CTIF: variants seen among roughly 807,000 people sequenced by gnomAD.
The protein encoded by CTIF is CBP80/20-dependent translation initiation factor.
CTIF carries 21 observed loss-of-function variants against 66.0 expected under a neutral mutation model. The observed-to-expected ratio is 0.32, with a 90% confidence interval of 0.23 to 0.46. The LOEUF (loss-of-function observed/expected upper bound fraction) is 0.46, where lower values mean the gene tolerates loss of function less well. Ranked by LOEUF, CTIF falls within the 20% of genes least tolerant of loss-of-function variation. The pLI, the probability that CTIF is intolerant of heterozygous loss-of-function variation, is 1.00. For missense variants in CTIF, 739 were observed against 812.7 expected (o/e 0.91, Z 1.10); for synonymous variants, 345 against 326.4 (o/e 1.06, Z -0.62).
At chr18:48,844,774 G>A (rs939323551) in intron 10 of CTIF, among the ~76,000 whole-genome samples, 24 of 152,204 alleles carry the variant, frequency 1.6e-4, no homozygotes, top group South Asian at 1.2e-3. Context: ...AGGCAAGAGC[G>A]ATTAACATAA....
intron 10 of CTIF, among the ~76,000 whole-genome samples, chr18:48,843,391 G>A (rs539866081): frequency 2.6e-5 from 4 of 152,144 alleles, no homozygotes; most frequent in African/African-American, 7.2e-5. Context: ...CCTGCGGAGT[G>A]GGGAGGGCTT....
At chr18:48,660,563 G>A (rs372155630) in intron 3 of CTIF, among the ~76,000 whole-genome samples, 2 of 152,172 alleles carry the variant, frequency 1.3e-5, no homozygotes, top group East Asian at 1.9e-4. Context: ...TGGGTCCCCC[G>A]CCAGGGATAC....
intron 1 of CTIF, among the ~76,000 whole-genome samples, chr18:48,544,672 G>T (rs2088703228): frequency 6.6e-6 from 1 of 152,216 alleles, no homozygotes; most frequent in Non-Finnish European, 1.5e-5. Context: ...AGTAGGCCTG[G>T]GTAATGGTGG....
chr18:48,544,850 G>T (rs1017780069), intron 1 of CTIF, among the ~76,000 whole-genome samples: 1 of 152,196 alleles, frequency 6.6e-6, no homozygotes, highest in African/African-American at 2.4e-5. Flanking sequence ...CTAGGCCCTG[G>T]GGCTATGACA....
intron 5 of CTIF, among the ~76,000 whole-genome samples, chr18:48,668,802 C>T (rs1219435099): frequency 1.3e-5 from 2 of 152,144 alleles, no homozygotes; most frequent in Non-Finnish European, 2.9e-5. Flanking sequence ...CTTGGGGTTC[C>T]TGCAACGATC....
At chr18:48,857,511 G>T in intron 10 of CTIF, 77 bp from the exon 11 acceptor site, 4 of 1,351,696 alleles carry the variant, frequency 3.0e-6, no homozygotes, top group Admixed American at 2.1e-5. Flanking sequence ...GCAGGTCGGC[G>T]GGGGCTGCAG....
intron 9 of CTIF, among the ~76,000 whole-genome samples, chr18:48,810,485 A>G (rs1193817006): frequency 6.6e-6 from 1 of 152,068 alleles, no homozygotes; most frequent in South Asian, 2.1e-4. Context: ...GCAATTGGCT[A>G]TTTTTTAATT....
At chr18:48,570,059 A>G (rs2089376534) in intron 1 of CTIF, among the ~76,000 whole-genome samples, 1 of 152,200 alleles carries the variant, frequency 6.6e-6, no homozygotes, top group South Asian at 2.1e-4. Context: ...CCAGAGCTGC[A>G]AACACGTGGC....
At chr18:48,733,749 A>G (rs2145687435) in intron 7 of CTIF, among the ~76,000 whole-genome samples, 1 of 152,330 alleles carries the variant, frequency 6.6e-6, no homozygotes, top group South Asian at 2.1e-4. Context: ...GGTCAGCTTC[A>G]GGCCACGCCT....
At position 48,758,286 on chromosome 18, in the gene CTIF, G is replaced by A; in HGVS notation, c.952G>A (p.Gly318Arg). 1.9e-6 allele frequency: 3 copies of A among 1,613,444 alleles called. No homozygotes were observed. The highest frequency in any genetic ancestry group is 2.5e-6 in the Non-Finnish European group (3 of 1,179,894). Residue 318 changes from glycine to arginine, a missense_variant, in exon 8 of 12, where the codon GGG (glycine) becomes AGG (arginine). This residue lies in a region of CTIF where 529 missense variants were observed against 520.3 expected (regional missense o/e 1.02). Transcript: ENST00000256413. Reference sequence around the variant, plus strand: ...GCGGCTGCCCCCACAGCAGTCAGGGGGGCCAGAGGTTGAGACAAAACGTAA... The same window carrying A: ...GCGGCTGCCCCCACAGCAGTCAGGGAGGCCAGAGGTTGAGACAAAACGTAA... ...SERLPPQQSG[G>R]PEVETKRKDS...
chr18:48,859,634 G>T lies in CTIF; in HGVS notation c.*75G>T. 1 of 1,417,066 alleles carries T rather than the reference G, an allele frequency of 7.1e-7. No individual in the cohort carries two copies. Among genetic ancestry groups the T allele is most frequent in the South Asian group, 1.2e-5 (1 of 86,948 alleles). The allele number at this position is 1,417,066 out of a possible 1,614,324, so 87.8% of individuals were successfully genotyped here. The stretch of plus-strand genomic sequence containing the variant: ...ACAGGGCCAGATGGACAGGCGGGAG[G>T]ACAGGGGTGGCCCTGGCGGGAGAAA... On this transcript the variant is annotated 3_prime_UTR_variant, in exon 12 of 12. Transcript: ENST00000256413.
intron 9 of CTIF, among the ~76,000 whole-genome samples, chr18:48,784,925 G>T (rs1911571030): frequency 6.6e-6 from 1 of 152,202 alleles, no homozygotes; most frequent in African/African-American, 2.4e-5. Context: ...ACACTCCCAG[G>T]AATGGCCACA....
Position 48,859,427 on chromosome 18 carries a change from G to A in CTIF, c.1665G>A (p.Leu555=), listed in dbSNP as rs550701558. The part of the protein sequence containing the change: ...ELLASARDKM[L]CPSESMLTRS... Reference sequence around the variant, plus strand: ...TGGCCAGCGCACGGGACAAGATGCTGTGCCCCTCGGAGTCCATGCTGACCC... The same window carrying A: ...TGGCCAGCGCACGGGACAAGATGCTATGCCCCTCGGAGTCCATGCTGACCC... The change falls in exon 12 of 12, where the codon CTG becomes CTA. Residue 555 remains leucine (L), a synonymous_variant. Transcript: ENST00000256413. The A allele has an allele frequency of 4.0e-5, 65 of 1,614,166 alleles. 1 individual carries two copies. In the South Asian group the frequency reaches 6.8e-4, roughly 17 times the overall value.
chr18:48,850,417 A>G (rs2069174960), intron 10 of CTIF, among the ~76,000 whole-genome samples: 1 of 152,208 alleles, frequency 6.6e-6, no homozygotes, highest in African/African-American at 2.4e-5. Context: ...CAAATAGAAC[A>G]TACATAAATG....
rs551874707 is a variant in CTIF, at chr18:48,664,955, C to T, written c.431+404C>T. 8.0e-3 allele frequency among the ~76,000 whole-genome samples: 1,094 copies of T among 137,052 alleles called. 11 individuals are homozygous for T. Among genetic ancestry groups the T allele is most frequent in the African/African-American group, 0.025 (941 of 37,982 alleles). 89.9% of individuals were successfully genotyped at this position (137,052 alleles called of 152,430 possible). ...CGGAGTCTCGCTCTGTCGCCCAGGC[C>T]GGACTGCGGACTGCAGTGGCGCAAT... On this transcript the variant is annotated intron_variant, in intron 5 of 11. Transcript: ENST00000256413.
chr18:48,733,504 G>A (rs993396116), intron 7 of CTIF, among the ~76,000 whole-genome samples: 2 of 152,216 alleles, frequency 1.3e-5, no homozygotes, highest in Non-Finnish European at 2.9e-5. Context: ...CCATGCCCAA[G>A]ACCCAGGGAA....
intron 10 of CTIF, among the ~76,000 whole-genome samples, chr18:48,830,324 C>A (rs1314238133): frequency 6.6e-6 from 1 of 152,078 alleles, no homozygotes; most frequent in African/African-American, 2.4e-5. Flanking sequence ...CCACCACACC[C>A]AGCTAATTTT....
intron 7 of CTIF, among the ~76,000 whole-genome samples, chr18:48,743,236 C>G (rs931813944): frequency 3.9e-5 from 6 of 152,314 alleles, no homozygotes; most frequent in African/African-American, 9.6e-5. Flanking sequence ...TGGAGGCAGA[C>G]AGAGCCCAAC....
Position 48,757,920 on chromosome 18 carries a change from C to A in CTIF, c.586C>A (p.Arg196=), listed in dbSNP as rs763215980. The stretch of plus-strand genomic sequence containing the variant: ...CTGTCTTTCCTCTTCCGTTTGCAGG[C>A]GGCAGCAGAGACCTCCGGGGGGCAA... The part of the protein sequence containing the change: ...LFRRRRNDRR[R]QQRPPGGNKP... The change falls in exon 8 of 12, where the codon CGG becomes AGG. Residue 196 remains arginine (R), a splice_region_variant and synonymous_variant. Transcript: ENST00000256413. 1 of 1,609,262 alleles carries A rather than the reference C, an allele frequency of 6.2e-7. No homozygotes were observed. Among genetic ancestry groups the A allele is most frequent in the Non-Finnish European group, 8.5e-7 (1 of 1,176,994 alleles).
Sources: gnomAD v4.1 joint callset for allele counts (sites outside exome capture counted in the v4.1 genomes callset) on GRCh38, gnomAD v4.1.1 for gene constraint, gnomAD v4.1.1 regional missense constraint, MANE v1.5 for transcripts, NCBI Gene and HGNC (gene_info 2026-07-23, HGNC 2026-07-21) for gene names.